AUTS2: variants seen among roughly 807,000 people sequenced by gnomAD.
AUTS2 encodes the protein activator of transcription and developmental regulator AUTS2.
In AUTS2, 17 loss-of-function variants were observed where a neutral mutation model predicts 112.4. The observed-to-expected ratio is 0.15, with a 90% CI of 0.10 to 0.23. AUTS2 has a LOEUF of 0.23. Among genes scored for constraint, AUTS2 ranks in the 10% least tolerant of loss-of-function variants. AUTS2 has a pLI of 1.00. For synonymous variants in AUTS2, 751 were observed against 702.7 expected (o/e 1.07, Z -1.09); for missense variants, 1,510 against 1,701.6 (o/e 0.89, Z 1.98).
At chr7:69,914,354 C>G (rs865833387) in intron 2 of AUTS2, among the ~76,000 whole-genome samples, 3,596 of 115,432 alleles carry the variant, frequency 0.031, 38 homozygotes, top group Middle Eastern at 0.14. Context: ...CACACACACA[C>G]AGACACACAC....
intron 5 of AUTS2, among the ~76,000 whole-genome samples, chr7:70,521,483 G>T (rs1034450532): frequency 9.2e-5 from 14 of 152,130 alleles, no homozygotes; most frequent in African/African-American, 2.7e-4. Context: ...CTTCCCAAAT[G>T]CACTTAGACC....
chr7:69,712,140 A>G (rs553689046), intron 1 of AUTS2, among the ~76,000 whole-genome samples: 52 of 152,260 alleles, frequency 3.4e-4, no homozygotes, highest in African/African-American at 9.6e-4. Flanking sequence ...TGTTTGGCTA[A>G]TTCCTTCATT....
intron 1 of AUTS2, among the ~76,000 whole-genome samples, chr7:69,700,398 A>T (rs1246151134): frequency 6.7e-6 from 1 of 148,170 alleles, no homozygotes; most frequent in Admixed American, 6.7e-5. Flanking sequence ...GATTACGGGG[A>T]TTTTTTTTTT....
intron 5 of AUTS2, among the ~76,000 whole-genome samples, chr7:70,672,305 T>A (rs1299896866): frequency 2.6e-5 from 4 of 152,148 alleles, no homozygotes; most frequent in African/African-American, 9.7e-5. Context: ...ACCTGAAGAA[T>A]CTCAATATTA....
intron 1 of AUTS2, among the ~76,000 whole-genome samples, chr7:69,888,407 G>A (rs1280334042): frequency 6.6e-6 from 1 of 151,342 alleles, no homozygotes; most frequent in Non-Finnish European, 1.5e-5. Flanking sequence ...ACCAGCTCGT[G>A]TGGGAACTAA....
chr7:70,033,315 G>A (rs944566468), intron 2 of AUTS2, among the ~76,000 whole-genome samples: 1 of 152,174 alleles, frequency 6.6e-6, no homozygotes, highest in African/African-American at 2.4e-5. Context: ...TGTGTATAGT[G>A]AGTATGCATA....
intron 6 of AUTS2, among the ~76,000 whole-genome samples, chr7:70,719,229 C>G (rs766924934): frequency 4.6e-5 from 7 of 152,146 alleles, no homozygotes; most frequent in South Asian, 2.1e-4. Flanking sequence ...CCCCCAAGGT[C>G]AACATCCATA....
At chr7:70,472,825 TC>T (rs758981854) in intron 5 of AUTS2, among the ~76,000 whole-genome samples, 5 of 152,344 alleles carry the variant, frequency 3.3e-5, no homozygotes, top group East Asian at 3.9e-4. Context: ...GGGCCTCAGA[TC>T]CTTGTTTCAC....
chr7:70,655,282 A>G (rs1806711635), intron 5 of AUTS2, among the ~76,000 whole-genome samples: 1 of 152,230 alleles, frequency 6.6e-6, no homozygotes, highest in Admixed American at 6.5e-5. Context: ...TCACAGGAAG[A>G]GTGTTTCCCT....
chr7:69,680,423 C>T (rs772072902), intron 1 of AUTS2, among the ~76,000 whole-genome samples: 2 of 152,252 alleles, frequency 1.3e-5, no homozygotes, highest in South Asian at 2.1e-4. Context: ...CTAGCATACA[C>T]GCATTATCAT....
At chr7:70,037,572 A>C (rs1464651845) in intron 2 of AUTS2, among the ~76,000 whole-genome samples, 2 of 152,156 alleles carry the variant, frequency 1.3e-5, no homozygotes, top group South Asian at 2.1e-4. Context: ...GACAATTAAA[A>C]ATTTTTTATA....
At chr7:70,344,120 T>C (rs1480915562) in intron 4 of AUTS2, among the ~76,000 whole-genome samples, 2 of 152,142 alleles carry the variant, frequency 1.3e-5, no homozygotes, top group South Asian at 2.1e-4. Context: ...CTCCTAAAAT[T>C]GTGTGCCCTA....
chr7:69,916,465 C>T (rs28393394), intron 2 of AUTS2, among the ~76,000 whole-genome samples: 12,564 of 152,182 alleles, frequency 0.083, 666 homozygotes, highest in African/African-American at 0.14. Flanking sequence ...TTAACCCAGA[C>T]CTTTCTTCTC....
chr7:70,442,998 T>G (rs1199706508), intron 5 of AUTS2, among the ~76,000 whole-genome samples: 1 of 152,202 alleles, frequency 6.6e-6, no homozygotes, highest in African/African-American at 2.4e-5. Flanking sequence ...TATTTTAAAT[T>G]CAGAATCTCA....
intron 4 of AUTS2, among the ~76,000 whole-genome samples, chr7:70,211,331 A>ATT (rs67312947): frequency 7.0e-6 from 1 of 142,954 alleles, no homozygotes; most frequent in South Asian, 2.2e-4. Context: ...ATTTAAAAGA[A>ATT]TTTTTTTTTT....
chr7:70,543,844 C>T (rs986888589), intron 5 of AUTS2, among the ~76,000 whole-genome samples: 2 of 152,168 alleles, frequency 1.3e-5, no homozygotes, highest in African/African-American at 4.8e-5. Context: ...AGACTATCGC[C>T]ATTTTCTTTG....
At chr7:69,836,303 C>G (rs1791721289) in intron 1 of AUTS2, among the ~76,000 whole-genome samples, 1 of 152,170 alleles carries the variant, frequency 6.6e-6, no homozygotes, top group Non-Finnish European at 1.5e-5. Context: ...GAATTGCCCT[C>G]TGCCTTGTGT....
At chr7:70,621,303 C>T (rs563326377) in intron 5 of AUTS2, among the ~76,000 whole-genome samples, 62 of 152,264 alleles carry the variant, frequency 4.1e-4, no homozygotes, top group South Asian at 2.9e-3. Context: ...ACTGTATTCA[C>T]TGTGGGGGCA....
chr7:70,270,633 G>A lies in AUTS2; in HGVS notation c.660+136062G>A, dbSNP rs1470262593. ...TCTGATTTGCTAACTCATTGCAATGGCTCTGTGGAAGAATATCTTGGAGAG... is the reference window on the plus strand; with the variant it reads ...TCTGATTTGCTAACTCATTGCAATGACTCTGTGGAAGAATATCTTGGAGAG... On this transcript the variant is annotated intron_variant, in intron 4 of 18. Coordinates refer to ENST00000342771, the MANE Select transcript of AUTS2 (RefSeq NM_015570.4). Among the ~76,000 whole-genome samples, 3 of 152,152 alleles carry A rather than the reference G, an allele frequency of 2.0e-5. No individual in the cohort carries two copies. The South Asian group carries it at 6.2e-4, about 32-fold the overall frequency.
Sources: allele counts gnomAD v4.1 joint callset (sites outside exome capture counted in the v4.1 genomes callset), GRCh38; gene constraint gnomAD v4.1.1; transcripts MANE v1.5; gene names NCBI Gene and HGNC (gene_info 2026-07-23, HGNC 2026-07-21).